Variants in TDRD7 observed in about 807,000 individuals in gnomAD.
TDRD7 encodes tudor domain-containing protein 7.
In TDRD7, 47 loss-of-function variants were observed where a neutral mutation model predicts 109.8. The observed-to-expected ratio is 0.43, with a 90% confidence interval of 0.34 to 0.55. The LOEUF (loss-of-function observed/expected upper bound fraction) is 0.55, where lower values mean the gene tolerates loss of function less well. Ranked by LOEUF, TDRD7 falls within the 20% of genes least tolerant of loss-of-function variation. The pLI, the probability that TDRD7 is intolerant of heterozygous loss-of-function variation, is 0.03. For missense variants in TDRD7, 1,164 were observed against 1,319.2 expected (o/e 0.88, Z 1.82); for synonymous variants, 424 against 457.3 (o/e 0.93, Z 0.93).
intron 1 of TDRD7, among the ~76,000 whole-genome samples, chr9:97,422,328 A>G (rs1271708269): frequency 6.6e-6 from 1 of 152,206 alleles, no homozygotes; most frequent in Admixed American, 6.5e-5. Context: ...CCCAGGAGGC[A>G]GAGGTTACAG....
At chr9:97,462,865 C>A (rs1828750161) in intron 7 of TDRD7, among the ~76,000 whole-genome samples, 1 of 152,206 alleles carries the variant, frequency 6.6e-6, no homozygotes, top group Admixed American at 6.5e-5. Context: ...CCTGCAGATC[C>A]CAAGCCATTT....
In TDRD7 at chr9:97,412,436, G is replaced by A. The variant is rs1290513961; in HGVS notation, c.-7+198G>A. On this transcript the variant is annotated intron_variant, in intron 1 of 16. Coordinates refer to ENST00000355295, the MANE Select transcript of TDRD7 (RefSeq NM_014290.3). The surrounding 1 kb of genome is among the most constrained non-coding windows in gnomAD (Gnocchi z 4.3). ...GCCTGGGAACCGGGCTGGGCGCCGG[G>A]GGAGTTGGAGTTCCAGAGCGTTGTG... Among the ~76,000 whole-genome samples the A allele has an allele frequency of 1.3e-5, 2 of 152,322 alleles. No homozygotes were observed. Among genetic ancestry groups the A allele is most frequent in the East Asian group, 3.9e-4 (2 of 5,162 alleles).
intron 5 of TDRD7, among the ~76,000 whole-genome samples, chr9:97,441,284 T>C (rs562677385): frequency 5.9e-5 from 9 of 152,324 alleles, no homozygotes; most frequent in Admixed American, 2.6e-4. Flanking sequence ...TTAAATTCAG[T>C]ATTGTCTGTA....
intron 6 of TDRD7, among the ~76,000 whole-genome samples, chr9:97,458,223 C>T (rs951417228): frequency 6.6e-6 from 1 of 152,124 alleles, no homozygotes; most frequent in Non-Finnish European, 1.5e-5. Context: ...TGACACGTTT[C>T]TGAGAATGTA....
At chr9:97,422,421 A>G (rs1827915255) in intron 1 of TDRD7, among the ~76,000 whole-genome samples, 1 of 152,184 alleles carries the variant, frequency 6.6e-6, no homozygotes. Context: ...TTTACCATAT[A>G]TGGGTTTATT....
rs765710079 is a variant in TDRD7 at position 97,483,120 on chromosome 9, C to A, written c.2684C>A (p.Ala895Asp). The change falls in exon 15 of 17, where the codon GCT becomes GAT. Residue 895 changes from alanine (A) to aspartate (D), a missense_variant. Ala to Asp is a moderately radical substitution (Grantham distance 126). Transcript: ENST00000355295. ...AAGTCCATGGTGGACCATACGAGCG[C>A]TTTCTCCACAGAGGAACTGCCACCT... is the stretch of plus-strand genomic sequence containing the variant. Reference protein sequence around the residue: ...IKKSMVDHTSAFSTEELPPPV... With the variant: ...IKKSMVDHTSDFSTEELPPPV... The A allele has an allele frequency of 3.7e-6, 6 of 1,614,202 alleles. No homozygotes were observed. The highest frequency in any genetic ancestry group is 5.1e-6 in the Non-Finnish European group (6 of 1,180,038).
intron 4 of TDRD7, 25 bp downstream of exon 4, chr9:97,432,263 G>T (rs764760877): frequency 6.2e-7 from 1 of 1,600,886 alleles, no homozygotes; most frequent in Non-Finnish European, 8.6e-7. Context: ...ACTCACAGAA[G>T]TTTGGTGAAT....
At chr9:97,425,940 G>A (rs1284188384) in intron 1 of TDRD7, among the ~76,000 whole-genome samples, 1 of 152,176 alleles carries the variant, frequency 6.6e-6, no homozygotes. Context: ...ACCCTGTTCA[G>A]CATGTTACTG....
intron 5 of TDRD7, among the ~76,000 whole-genome samples, chr9:97,440,882 A>G (rs944616776): frequency 1.3e-5 from 2 of 152,244 alleles, no homozygotes; most frequent in Non-Finnish European, 2.9e-5. Context: ...ACTGTCAGCT[A>G]TAGTAAACAC....
chr9:97,470,469 A>T, intron 8 of TDRD7, 89 bp from the exon 9 acceptor site: 3 of 1,239,158 alleles, frequency 2.4e-6, no homozygotes. Flanking sequence ...CTTGCTGATC[A>T]TGGAATAAGA....
At chr9:97,424,664 C>T (rs1194170519) in intron 1 of TDRD7, among the ~76,000 whole-genome samples, 3 of 152,032 alleles carry the variant, frequency 2.0e-5, no homozygotes, top group Non-Finnish European at 4.4e-5. Context: ...TACTTTTAAC[C>T]TATGCATTCA....
chr9:97,492,773 C>A (rs978510857), intron 16 of TDRD7, among the ~76,000 whole-genome samples: 3 of 152,304 alleles, frequency 2.0e-5, no homozygotes, highest in African/African-American at 7.2e-5. Flanking sequence ...ACAAAATCTT[C>A]CTGGGTATCA....
chr9:97,460,839 G>C, intron 7 of TDRD7, 75 bp downstream of exon 7: 1 of 1,387,478 alleles, frequency 7.2e-7, no homozygotes. Flanking sequence ...TGGATGTTGA[G>C]GGTTAAAGGA....
At chr9:97,468,444 C>T (rs768392018) in intron 8 of TDRD7, among the ~76,000 whole-genome samples, 7 of 152,176 alleles carry the variant, frequency 4.6e-5, no homozygotes, top group Non-Finnish European at 8.8e-5. Flanking sequence ...AAAGGTAGCT[C>T]GGTATTTTGT....
In TDRD7 at chr9:97,458,921, C is replaced by G. The variant is rs116826874; in HGVS notation, c.856-1257C>G. On this transcript the variant is annotated intron_variant, in intron 6 of 16. Transcript: ENST00000355295. The stretch of plus-strand genomic sequence containing the variant: ...TTGTATGGAGAGTGAAGTAAAAAGT[C>G]AGTGTTCTTTACTAATAAGCTACCT... Among the ~76,000 whole-genome samples, 247 of 152,228 alleles carry G rather than the reference C, an allele frequency of 1.6e-3. 1 individual carries two copies. Among genetic ancestry groups the G allele is most frequent in the African/African-American group, 5.7e-3 (236 of 41,546 alleles).
At chr9:97,469,677 G>A (rs1480136866) in intron 8 of TDRD7, among the ~76,000 whole-genome samples, 1 of 152,036 alleles carries the variant, frequency 6.6e-6, no homozygotes, top group Non-Finnish European at 1.5e-5. Context: ...ATGCATATTA[G>A]GTTTTCAACA....
At chr9:97,480,127 C>G (rs1196469507) in intron 13 of TDRD7, among the ~76,000 whole-genome samples, 1 of 152,146 alleles carries the variant, frequency 6.6e-6, no homozygotes, top group Non-Finnish European at 1.5e-5. Flanking sequence ...GGGTTTCATC[C>G]CCTTCACAAA....
At chr9:97,448,718 G>A (rs758995292) in intron 6 of TDRD7, among the ~76,000 whole-genome samples, 1 of 152,172 alleles carries the variant, frequency 6.6e-6, no homozygotes, top group Non-Finnish European at 1.5e-5. Context: ...TGATTTTGCT[G>A]TACTGTCTCA....
rs559423685 is a variant in TDRD7, at chr9:97,483,427, C to T, written c.2915+76C>T. 1,273 of 1,560,450 alleles carry T rather than the reference C, an allele frequency of 8.2e-4. 1 individual carries two copies. The highest frequency in any genetic ancestry group is 2.2e-3 in the South Asian group (195 of 89,142). ...AATGATGCCAGAGTCTTAATCTTGG[C>T]GGGGGGACTTCGAACTGTACTAATG... On this transcript the variant is annotated intron_variant, in intron 15 of 16. Coordinates refer to ENST00000355295, the MANE Select transcript of TDRD7 (RefSeq NM_014290.3).
Sources: gnomAD v4.1 joint callset for allele counts (sites outside exome capture counted in the v4.1 genomes callset) on GRCh38, gnomAD v4.1.1 for gene constraint, Gnocchi (gnomAD v3.1) non-coding constraint, MANE v1.5 for transcripts, NCBI Gene and HGNC (gene_info 2026-07-23, HGNC 2026-07-21) for gene names.